SPATA16: variants seen among roughly 807,000 people sequenced by gnomAD.
SPATA16 encodes the protein spermatogenesis associated 16.
SPATA16 carries 36 observed loss-of-function variants against 63.3 expected under a neutral mutation model. The ratio of observed to expected loss-of-function variants is 0.57; its 90% CI spans 0.44 to 0.75. SPATA16 has a LOEUF of 0.75. Ranked by LOEUF, SPATA16 falls within the 30% of genes least tolerant of loss-of-function variation. The pLI is 0.00. For synonymous variants in SPATA16, 203 were observed against 216.7 expected (o/e 0.94, Z 0.56); for missense variants, 646 against 679.3 (o/e 0.95, Z 0.54).
intron 4 of SPATA16, among the ~76,000 whole-genome samples, chr3:173,014,769 T>C (rs1168207971): frequency 2.6e-5 from 4 of 152,184 alleles, no homozygotes; most frequent in African/African-American, 9.6e-5. Context: ...GGTGATGATA[T>C]GGCCGGTGTG....
chr3:173,116,549 A>T (rs1019977827), intron 2 of SPATA16, among the ~76,000 whole-genome samples: 2 of 152,218 alleles, frequency 1.3e-5, no homozygotes, highest in Non-Finnish European at 2.9e-5. Flanking sequence ...CTGTTTACAG[A>T]TAGGAAGATA....
intron 4 of SPATA16, among the ~76,000 whole-genome samples, chr3:172,985,747 G>C (rs1460704486): frequency 1.3e-5 from 2 of 152,166 alleles, no homozygotes; most frequent in Admixed American, 1.3e-4. Context: ...CATATCACAT[G>C]CTAGGGAATT....
intron 10 of SPATA16, among the ~76,000 whole-genome samples, chr3:172,905,470 A>G (rs1732213446): frequency 6.6e-6 from 1 of 152,216 alleles, no homozygotes; most frequent in South Asian, 2.1e-4. Flanking sequence ...GAAAGTAAAT[A>G]AAATGTTCCA....
intron 10 of SPATA16, among the ~76,000 whole-genome samples, chr3:172,892,170 T>C (rs1381639802): frequency 1.3e-5 from 2 of 152,200 alleles, no homozygotes; most frequent in Non-Finnish European, 2.9e-5. Context: ...CTTGCCACCA[T>C]TCTTTTACCA....
chr3:172,985,491 A>G (rs1460596632), intron 4 of SPATA16, among the ~76,000 whole-genome samples: 2 of 152,228 alleles, frequency 1.3e-5, no homozygotes, highest in South Asian at 2.1e-4. Context: ...TGACATCCAT[A>G]TTTAGCATAT....
intron 2 of SPATA16, among the ~76,000 whole-genome samples, chr3:173,074,103 A>T (rs1353471616): frequency 6.6e-6 from 1 of 152,180 alleles, no homozygotes; most frequent in Non-Finnish European, 1.5e-5. Flanking sequence ...TATTTATCCA[A>T]TGCCTATGCT....
rs373456040 is a variant in SPATA16 at position 173,023,284 on chromosome 3, C to T, written c.759-3709G>A. Among the ~76,000 whole-genome samples the T allele has an allele frequency of 1.3e-4, 19 of 151,872 alleles. 4 individuals carry two copies. Among genetic ancestry groups the T allele is most frequent in the South Asian group, 8.3e-4 (4 of 4,814 alleles). On this transcript the variant is annotated intron_variant, in intron 3 of 10. Transcript: ENST00000351008. Reference sequence around the variant, plus strand: ...CTTGATAAATAATCCATCCTTCTCTCGTGATTTGATATGCCACGTTTATTA... The same window carrying T: ...CTTGATAAATAATCCATCCTTCTCTTGTGATTTGATATGCCACGTTTATTA...
chr3:172,900,466 G>A (rs1344580218), intron 10 of SPATA16, among the ~76,000 whole-genome samples: 1 of 152,054 alleles, frequency 6.6e-6, no homozygotes, highest in African/African-American at 2.4e-5. Flanking sequence ...AATTTGGGAA[G>A]TTTTCAGCCA....
At chr3:172,907,390 A>G (rs1391848415) in intron 10 of SPATA16, among the ~76,000 whole-genome samples, 1 of 152,082 alleles carries the variant, frequency 6.6e-6, no homozygotes, top group Non-Finnish European at 1.5e-5. Flanking sequence ...CGACTAACTC[A>G]TTTCCCTACT....
chr3:173,030,682 G>A (rs558016026), intron 3 of SPATA16, among the ~76,000 whole-genome samples: 1 of 152,018 alleles, frequency 6.6e-6, no homozygotes, highest in Non-Finnish European at 1.5e-5. Context: ...TCCTCAAAAA[G>A]TTAAAAAATA....
At chr3:172,925,587 AAAT>A (rs1732712397) in intron 6 of SPATA16, 95 bp from the exon 7 acceptor site, 1 of 1,454,412 alleles carries the variant, frequency 6.9e-7, no homozygotes, top group East Asian at 2.3e-5. Flanking sequence ...TACTTGGAAA[AAAT>A]AATAACTATA....
intron 6 of SPATA16, among the ~76,000 whole-genome samples, chr3:172,948,171 C>T (rs1333783392): frequency 2.0e-5 from 3 of 152,010 alleles, no homozygotes; most frequent in Non-Finnish European, 4.4e-5. Context: ...AGAAGACTAC[C>T]TCAAGGCATT....
At chr3:172,975,272 A>G (rs1734127343) in intron 5 of SPATA16, among the ~76,000 whole-genome samples, 1 of 152,166 alleles carries the variant, frequency 6.6e-6, no homozygotes, top group South Asian at 2.1e-4. Flanking sequence ...CGAAACTTCC[A>G]AGGTCTTACT....
At chr3:172,955,522 A>G (rs567507357) in intron 6 of SPATA16, among the ~76,000 whole-genome samples, 25 of 152,288 alleles carry the variant, frequency 1.6e-4, no homozygotes, top group African/African-American at 6.0e-4. Flanking sequence ...TATGGTTATT[A>G]TGGCCCGTAT....
At chr3:173,074,343 C>T (rs1447198682) in intron 2 of SPATA16, among the ~76,000 whole-genome samples, 1 of 152,068 alleles carries the variant, frequency 6.6e-6, no homozygotes, top group Non-Finnish European at 1.5e-5. Flanking sequence ...GTGTCCCCAT[C>T]CAAATCTTAT....
Position 172,939,518 on chromosome 3 carries a change from T to C in SPATA16, c.1082-14026A>G, listed in dbSNP as rs189762441. Among the ~76,000 whole-genome samples the C allele has an allele frequency of 9.7e-4, 147 of 151,912 alleles. 1 individual carries two copies. Among genetic ancestry groups the C allele is most frequent in the African/African-American group, 3.4e-3 (142 of 41,290 alleles). ...CCAAAATCTTATGCAAATGAATAGG[T>C]AAAATGTGGTGAAGAAAAGGTTATG... On this transcript the variant is annotated intron_variant, in intron 6 of 10. Transcript: ENST00000351008.
At chr3:173,025,271 A>G (rs972072909) in intron 3 of SPATA16, among the ~76,000 whole-genome samples, 2 of 151,802 alleles carry the variant, frequency 1.3e-5, no homozygotes, top group Non-Finnish European at 1.5e-5. Flanking sequence ...GATTTAAATA[A>G]AACTTCTAGA....
chr3:172,958,138 T>C (rs1247746595), intron 5 of SPATA16, among the ~76,000 whole-genome samples: 1 of 152,164 alleles, frequency 6.6e-6, no homozygotes, highest in Non-Finnish European at 1.5e-5. Context: ...AGAAAATACA[T>C]AGCGGTTCTT....
At chr3:172,989,008 G>T (rs1490305455) in intron 4 of SPATA16, among the ~76,000 whole-genome samples, 4 of 152,106 alleles carry the variant, frequency 2.6e-5, no homozygotes, top group Admixed American at 6.6e-5. Flanking sequence ...GCAGACATTA[G>T]GCAGAATTAT....
Sources: allele counts gnomAD v4.1 joint callset (sites outside exome capture counted in the v4.1 genomes callset), GRCh38; gene constraint gnomAD v4.1.1; transcripts MANE v1.5; gene names NCBI Gene and HGNC (gene_info 2026-07-23, HGNC 2026-07-21).